Variants in TOP1 observed in about 807,000 individuals in gnomAD.
TOP1 encodes the protein DNA topoisomerase I, also known as DNA topoisomerase 1.
In TOP1, 10 loss-of-function variants were observed where a neutral mutation model predicts 111.1. That is an observed-to-expected ratio of 0.09 (90% CI 0.06 to 0.15). The LOEUF (loss-of-function observed/expected upper bound fraction) is 0.15. Ranked by LOEUF, TOP1 falls within the 10% of genes least tolerant of loss-of-function variation. The pLI, the probability that TOP1 is intolerant of heterozygous loss-of-function variation, is 1.00. For missense variants in TOP1, 474 were observed against 926.7 expected, an observed-to-expected ratio of 0.51 and a Z score of 6.34; for synonymous variants, 271 against 302.9, an observed-to-expected ratio of 0.89 and a Z score of 1.10.
At chr20:41,048,094 A>C (rs2033356236) in intron 2 of TOP1, among the ~76,000 whole-genome samples, 1 of 143,760 alleles carries the variant, frequency 7.0e-6, no homozygotes, top group Non-Finnish European at 1.5e-5. Flanking sequence ...CTATAAATTA[A>C]AAAAAAAAAA....
chr20:41,040,945 A>G (rs1394371049), intron 2 of TOP1, among the ~76,000 whole-genome samples: 1 of 152,064 alleles, frequency 6.6e-6, no homozygotes, highest in Non-Finnish European at 1.5e-5. Context: ...ATTTTACTAC[A>G]TATTTTTAGG....
chr20:41,051,634 C>G (rs902395288), intron 2 of TOP1, among the ~76,000 whole-genome samples: 2 of 152,178 alleles, frequency 1.3e-5, no homozygotes, highest in African/African-American at 4.8e-5. Context: ...TTCCTTAAAA[C>G]CTGTAAGTTC....
At chr20:41,077,416 G>A (rs2033741137) in intron 4 of TOP1, among the ~76,000 whole-genome samples, 166 bp from the exon 5 acceptor site, 1 of 152,194 alleles carries the variant, frequency 6.6e-6, no homozygotes, top group Admixed American at 6.5e-5. Flanking sequence ...TTAAAAACGA[G>A]TTTTGGACAC....
At chr20:41,044,986 C>T (rs1262244150) in intron 2 of TOP1, among the ~76,000 whole-genome samples, 1 of 152,042 alleles carries the variant, frequency 6.6e-6, no homozygotes, top group Non-Finnish European at 1.5e-5. Context: ...CGGGGTTTTG[C>T]CATGTTGACC....
chr20:41,031,432 C>T (rs2033118391), intron 2 of TOP1, among the ~76,000 whole-genome samples: 1 of 152,150 alleles, frequency 6.6e-6, no homozygotes, highest in Admixed American at 6.5e-5. Flanking sequence ...ATGGTTCTCA[C>T]CTAAGTCACG....
At chr20:41,089,017 G>GTTTTTTTTTTTTT (rs1290740653) in intron 8 of TOP1, among the ~76,000 whole-genome samples, 7 of 69,254 alleles carry the variant, frequency 1.0e-4, no homozygotes, top group South Asian at 4.2e-4. Flanking sequence ...TGTTGCCCCA[G>GTTTTTTTTTTTTT]TTCTTTTTTT....
chr20:41,089,551 C>T (rs1384296188), intron 8 of TOP1, among the ~76,000 whole-genome samples: 1 of 152,178 alleles, frequency 6.6e-6, no homozygotes, highest in Non-Finnish European at 1.5e-5. Context: ...TTTATTCATT[C>T]ATCTTTTGAT....
chr20:41,080,143 G>A lies in TOP1; in HGVS notation c.394G>A (p.Asp132Asn). 1 of 1,610,822 alleles carries A rather than the reference G, an allele frequency of 6.2e-7. No individual in the cohort carries two copies. Among genetic ancestry groups the A allele is most frequent in the Non-Finnish European group, 8.5e-7 (1 of 1,178,608 alleles). The change falls in exon 6 of 21, where the codon GAT (aspartate) becomes AAT (asparagine). Residue 132 changes from aspartate to asparagine, a missense_variant. Asp to Asn is a conservative substitution (Grantham distance 23). Coordinates refer to ENST00000361337, the MANE Select transcript of TOP1 (RefSeq NM_003286.4). The surrounding 1 kb of genome is among the most constrained non-coding windows in gnomAD (Gnocchi z 5.0). ...TGGCTATTTTGTTCCTCCTAAAGAGGATATAAAGCCATTAAAGAGACCTCG... is the reference window on the plus strand; with the variant it reads ...TGGCTATTTTGTTCCTCCTAAAGAGAATATAAAGCCATTAAAGAGACCTCG... ...DDGYFVPPKEDIKPLKRPRDE... is the reference protein window; with the variant it reads ...DDGYFVPPKENIKPLKRPRDE...
intron 2 of TOP1, among the ~76,000 whole-genome samples, chr20:41,048,046 C>G (rs752748514): frequency 9.9e-5 from 15 of 151,250 alleles, no homozygotes; most frequent in Non-Finnish European, 8.8e-5. Flanking sequence ...TGAGAACAAC[C>G]TCTTTCTTCC....
At chr20:41,103,377 A>G (rs2034094843) in intron 13 of TOP1, among the ~76,000 whole-genome samples, 1 of 152,204 alleles carries the variant, frequency 6.6e-6, no homozygotes, top group Non-Finnish European at 1.5e-5. Flanking sequence ...CTTTCCTGTG[A>G]CATCCACTGC....
At chr20:41,039,495 G>T (rs543289191) in intron 2 of TOP1, among the ~76,000 whole-genome samples, 11 of 151,206 alleles carry the variant, frequency 7.3e-5, no homozygotes, top group African/African-American at 2.2e-4. Flanking sequence ...GTTTTTTTTT[G>T]TATACCTATA....
intron 18 of TOP1, among the ~76,000 whole-genome samples, chr20:41,119,667 G>A (rs1337731054): frequency 6.6e-6 from 1 of 152,124 alleles, no homozygotes; most frequent in Non-Finnish European, 1.5e-5. Flanking sequence ...GGTTCAAAAG[G>A]TACACACAAC....
chr20:41,046,712 A>G lies in TOP1; in HGVS notation c.59-14682A>G, dbSNP rs1436842149. On this transcript the variant is annotated intron_variant, in intron 2 of 20. Transcript: ENST00000361337. The surrounding 1 kb of genome is among the most constrained non-coding windows in gnomAD (Gnocchi z 4.3). ...TCTTTTTGTTAACTAAGGATTAACT[A>G]GAAACCTTATTTTATAAGGGTTCCT... 6.6e-6 allele frequency among the ~76,000 whole-genome samples: 1 copy of G among 152,270 alleles called. No homozygotes were observed. The highest frequency in any genetic ancestry group is 2.4e-5 in the African/African-American group (1 of 41,472).
Position 41,106,869 on chromosome 20 carries a change from GTTCATATAT to G in TOP1, c.1308+5524_1308+5532del, listed in dbSNP as rs1394497197. Among the ~76,000 whole-genome samples, 1 of 151,994 alleles carries G rather than the reference GTTCATATAT, an allele frequency of 6.6e-6. No homozygotes were observed. The highest frequency in any genetic ancestry group is 1.5e-5 in the Non-Finnish European group (1 of 67,972). On this transcript the variant is annotated intron_variant, in intron 13 of 20. Transcript: ENST00000361337. The surrounding 1 kb of genome is among the most constrained non-coding windows in gnomAD (Gnocchi z 4.3). The stretch of plus-strand genomic sequence containing the variant: ...CTATAAAAACAGTTCTTCATTTTCA[GTTCATATAT>G]TTCATATTTCTTTAAGTTTTAATTT...
intron 2 of TOP1, among the ~76,000 whole-genome samples, chr20:41,050,979 C>T (rs551452419): frequency 6.6e-6 from 1 of 152,120 alleles, no homozygotes; most frequent in African/African-American, 2.4e-5. Context: ...AGGGTTTGCC[C>T]CAGTACAAGA....
At chr20:41,099,430 G>A (rs937575442) in intron 11 of TOP1, among the ~76,000 whole-genome samples, 3 of 152,146 alleles carry the variant, frequency 2.0e-5, no homozygotes, top group Admixed American at 6.5e-5. Context: ...CCTGCTGCCA[G>A]CAAGGTCTGA....
At chr20:41,062,950 TTTTA>T (rs1409172929) in intron 3 of TOP1, among the ~76,000 whole-genome samples, 1 of 152,194 alleles carries the variant, frequency 6.6e-6, no homozygotes, top group Non-Finnish European at 1.5e-5. Context: ...TTTTTTCAGG[TTTTA>T]TTTTAGATTC....
At position 41,061,404 on chromosome 20, in the gene TOP1, A is replaced by C. The variant is rs1396729231; in HGVS notation, c.69A>C (p.Lys23Asn). ...CTCTTATGGTTGCAGATTCTCATAA[A>C]CACAAAGATAAACACAAAGATCGAG... is the stretch of plus-strand genomic sequence containing the variant. ...EADFRLNDSH[K>N]HKDKHKDREH... is the part of the protein sequence containing the mutation. Residue 23 changes from lysine to asparagine, a missense_variant, in exon 3 of 21, where the codon AAA becomes AAC. Physicochemically the swap from Lys to Asn is moderately conservative, Grantham distance 94. This residue lies in a region of TOP1 where 185 missense variants were observed against 226.3 expected (regional missense o/e 0.82). Transcript: ENST00000361337. This position sits in a 1 kb window ranked among gnomAD's most constrained non-coding sequence, Gnocchi z 4.6. 18 of 1,613,680 alleles carry C rather than the reference A, an allele frequency of 1.1e-5. No individual in the cohort carries two copies. Among genetic ancestry groups the C allele is most frequent in the Non-Finnish European group, 1.5e-5 (18 of 1,179,772 alleles).
intron 2 of TOP1, among the ~76,000 whole-genome samples, chr20:41,049,417 A>G (rs1459194201): frequency 1.3e-5 from 2 of 152,252 alleles, no homozygotes; most frequent in Non-Finnish European, 2.9e-5. Context: ...GAATATTGAA[A>G]AGAAAGACCA....
Sources: gnomAD v4.1 joint callset for allele counts (sites outside exome capture counted in the v4.1 genomes callset) on GRCh38, gnomAD v4.1.1 for gene constraint, gnomAD v4.1.1 regional missense constraint, Gnocchi (gnomAD v3.1) non-coding constraint, MANE v1.5 for transcripts, NCBI Gene and HGNC (gene_info 2026-07-23, HGNC 2026-07-21) for gene names.